Variants in ATAD2B observed in about 807,000 individuals in gnomAD.
ATAD2B encodes ATPase family AAA domain containing 2B, also known as ATPase family AAA domain-containing protein 2B.
A neutral mutation model predicts 167.6 loss-of-function variants in ATAD2B; 40 were observed. That is an observed-to-expected ratio of 0.24 (90% CI 0.19 to 0.31). The LOEUF is 0.31. Ranked by LOEUF, ATAD2B falls within the 10% of genes least tolerant of loss-of-function variation. ATAD2B has a pLI of 1.00. For synonymous variants in ATAD2B, 579 were observed against 596.5 expected (o/e 0.97, Z 0.43); for missense variants, 1,242 against 1,757.2 (o/e 0.71, Z 5.24).
At chr2:23,821,395 A>G (rs903827468) in intron 16 of ATAD2B, among the ~76,000 whole-genome samples, 6 of 152,224 alleles carry the variant, frequency 3.9e-5, no homozygotes, top group Non-Finnish European at 5.9e-5. Flanking sequence ...CAGTTATGAA[A>G]TTCAGAAATA....
At chr2:23,739,444 A>G in the ATAD2B span, among the ~76,000 whole-genome samples, 1 of 152,232 alleles carries the variant, frequency 6.6e-6, no homozygotes, top group Non-Finnish European at 1.5e-5. Flanking sequence ...CTGCTCCTGA[A>G]TGACTACTGG....
the ATAD2B span, among the ~76,000 whole-genome samples, chr2:23,722,770 A>C: frequency 2.0e-5 from 3 of 152,194 alleles, no homozygotes; most frequent in Non-Finnish European, 4.4e-5. Flanking sequence ...TCTCCAAGAC[A>C]CATTATAATA....
the ATAD2B span, chr2:23,696,759 C>T: frequency 3.5e-5 from 16 of 450,974 alleles, no homozygotes; most frequent in African/African-American, 6.2e-5. The surrounding 1 kb of genome is among the most constrained non-coding windows in gnomAD (Gnocchi z 5.5). Flanking sequence ...GCGCTTCTGT[C>T]CCGACAACCC....
the ATAD2B span, among the ~76,000 whole-genome samples, chr2:23,739,244 T>C: frequency 1.3e-5 from 2 of 152,274 alleles, no homozygotes; most frequent in South Asian, 2.1e-4. Flanking sequence ...CAACAGAATA[T>C]ACATTCTTTT....
chr2:23,757,969 C>A lies in ATAD2B; in HGVS notation c.3527G>T (p.Arg1176Met). The change falls in exon 25 of 28, where the codon AGG becomes ATG. Residue 1176 changes from arginine (R) to methionine (M), a missense_variant. Around this residue, in one of 9 missense-constraint regions of ATAD2B, gnomAD observed 282 missense variants for 346.8 expected, o/e 0.81. Transcript: ENST00000238789. ...FADYENHTEDRKLLENGEFEV... is the reference protein window; with the variant it reads ...FADYENHTEDMKLLENGEFEV... ...AAACTCTCCATTCTCTAATAATTTC[C>A]TGTCCTCCGTATGGTTCTCATAGTC... 1 of 1,613,652 alleles carries A rather than the reference C, an allele frequency of 6.2e-7. No individual in the cohort carries two copies. The highest frequency in any genetic ancestry group is 8.5e-7 in the Non-Finnish European group (1 of 1,179,726).
intron 25 of ATAD2B, among the ~76,000 whole-genome samples, 183 bp downstream of exon 25, chr2:23,757,235 C>G (rs1439136249): frequency 6.6e-6 from 1 of 152,076 alleles, no homozygotes; most frequent in Non-Finnish European, 1.5e-5. Flanking sequence ...TTGGTGCATG[C>G]CTCTGTGTGT....
chr2:23,911,081 C>A (rs1702230390), intron 1 of ATAD2B, among the ~76,000 whole-genome samples: 1 of 150,746 alleles, frequency 6.6e-6, no homozygotes, highest in South Asian at 2.1e-4. Context: ...ACTAGCTGGT[C>A]GTAGTGGCGC....
At chr2:23,910,102 G>C (rs1357708167) in intron 1 of ATAD2B, among the ~76,000 whole-genome samples, 1 of 150,448 alleles carries the variant, frequency 6.6e-6, no homozygotes, top group Admixed American at 6.6e-5. Flanking sequence ...GGCCTCAAGT[G>C]ATCCTCCAAC....
intron 22 of ATAD2B, 82 bp downstream of exon 22, chr2:23,782,787 A>ATGTTCT: frequency 8.2e-7 from 1 of 1,215,118 alleles, no homozygotes; most frequent in Non-Finnish European, 1.2e-6. Flanking sequence ...ATCTATCTAG[A>ATGTTCT]ACACAGGCAT....
chr2:23,754,787 C>CA lies in ATAD2B; in HGVS notation c.4079-14dup. The CA allele has an allele frequency of 4.4e-6, 7 of 1,598,246 alleles. No homozygotes were observed. The East Asian group carries it at 6.7e-5, about 15-fold the overall frequency. ...ACTTTAGAAGCACCTATAATTGAGA[C>CA]AAAAAAATACACTGCAGCAAGTAAA... On this transcript the variant is annotated splice_polypyrimidine_tract_variant and intron_variant, in intron 25 of 27. Transcript: ENST00000238789.
chr2:23,715,195 C>A, the ATAD2B span, among the ~76,000 whole-genome samples: 2 of 152,114 alleles, frequency 1.3e-5, no homozygotes, highest in Non-Finnish European at 2.9e-5. Flanking sequence ...TTTTAAGTCA[C>A]CTGCAGCAAA....
chr2:23,735,697 C>T, the ATAD2B span, among the ~76,000 whole-genome samples: 6 of 152,232 alleles, frequency 3.9e-5, no homozygotes, highest in Admixed American at 2.6e-4. Flanking sequence ...AACTTCAGTA[C>T]GAAAATCAGG....
intron 13 of ATAD2B, among the ~76,000 whole-genome samples, chr2:23,848,173 T>C (rs929697653): frequency 6.6e-6 from 1 of 152,136 alleles, no homozygotes; most frequent in African/African-American, 2.4e-5. Flanking sequence ...GATATTTTTA[T>C]TTACATTTCT....
At chr2:23,762,538 T>C (rs542115037) in intron 23 of ATAD2B, among the ~76,000 whole-genome samples, 192 bp from the exon 24 acceptor site, 39 of 152,280 alleles carry the variant, frequency 2.6e-4, no homozygotes, top group Middle Eastern at 6.8e-3. Context: ...ATCATAAAAA[T>C]AAAACAATCT....
intron 18 of ATAD2B, among the ~76,000 whole-genome samples, chr2:23,801,727 A>AT (rs984960589): frequency 1.3e-5 from 2 of 152,052 alleles, no homozygotes; most frequent in African/African-American, 4.8e-5. Flanking sequence ...AACTTTCTTT[A>AT]TTAAAAAAAA....
chr2:23,878,034 A>AAAC, intron 7 of ATAD2B, among the ~76,000 whole-genome samples: 1 of 147,570 alleles, frequency 6.8e-6, no homozygotes, highest in Non-Finnish European at 1.5e-5. Context: ...AAAAAAAAAA[A>AAAC]AAAAAGCAAA....
intron 18 of ATAD2B, among the ~76,000 whole-genome samples, chr2:23,799,394 G>A (rs1683103445): frequency 6.6e-6 from 1 of 151,704 alleles, no homozygotes; most frequent in Admixed American, 6.6e-5. Context: ...CCAACATGGT[G>A]AAATTCCACC....
chr2:23,694,999 A>T, the ATAD2B span, among the ~76,000 whole-genome samples: 1 of 152,140 alleles, frequency 6.6e-6, no homozygotes, highest in Non-Finnish European at 1.5e-5. Flanking sequence ...CTCGTTACTC[A>T]TGGGATGAAA....
intron 8 of ATAD2B, among the ~76,000 whole-genome samples, chr2:23,871,684 T>C (rs1252392223): frequency 1.3e-5 from 2 of 152,116 alleles, no homozygotes; most frequent in East Asian, 1.9e-4. Context: ...CAAGCACAAA[T>C]AGCCTTCAAA....
Sources: allele counts gnomAD v4.1 joint callset (sites outside exome capture counted in the v4.1 genomes callset), GRCh38; gene constraint gnomAD v4.1.1; regional missense constraint gnomAD v4.1.1; non-coding constraint Gnocchi (gnomAD v3.1); transcripts MANE v1.5; gene names NCBI Gene and HGNC (gene_info 2026-07-23, HGNC 2026-07-21).